HPCAL1: variants seen among roughly 807,000 people sequenced by gnomAD.
The protein encoded by HPCAL1 is hippocalcin-like protein 1.
A neutral mutation model predicts 17.1 loss-of-function variants in HPCAL1; 8 were observed. That is an observed-to-expected ratio of 0.47 (90% CI 0.27 to 0.84). HPCAL1 has a LOEUF of 0.84. HPCAL1 is among the 40% of genes least tolerant of loss of function. HPCAL1 has a pLI of 0.13. For synonymous variants in HPCAL1, 112 were observed against 111.4 expected (o/e 1.01, Z -0.03); for missense variants, 165 against 271.1 (o/e 0.61, Z 2.75).
chr2:10,314,146 A>G (rs1417751845), intron 1 of HPCAL1, among the ~76,000 whole-genome samples: 4 of 152,126 alleles, frequency 2.6e-5, no homozygotes, highest in Admixed American at 2.6e-4. Context: ...GGAAAAAAAA[A>G]AAAAAAGAAT....
intron 1 of HPCAL1, among the ~76,000 whole-genome samples, chr2:10,345,794 T>C (rs1332639714): frequency 6.6e-6 from 1 of 152,192 alleles, no homozygotes; most frequent in African/African-American, 2.4e-5. Flanking sequence ...TAACTTTTTC[T>C]GAATATAAAA....
In HPCAL1 at chr2:10,319,728, C is replaced by A. The variant is rs62130060; in HGVS notation, c.-111+16551C>A. On this transcript the variant is annotated intron_variant, in intron 1 of 4. Coordinates refer to ENST00000307845, the MANE Select transcript of HPCAL1 (RefSeq NM_002149.4). Reference sequence around the variant, plus strand: ...GGTTCCACCTGGCCCCTTGGTGGAGCTCCCATTCATTCATTCACTCATTCA... The same window carrying A: ...GGTTCCACCTGGCCCCTTGGTGGAGATCCCATTCATTCATTCACTCATTCA... Among the ~76,000 whole-genome samples, 253 of 151,850 alleles carry A rather than the reference C, an allele frequency of 1.7e-3. 2 individuals are homozygous for A. Among genetic ancestry groups the A allele is most frequent in the Non-Finnish European group, 2.1e-3 (142 of 67,956 alleles).
At chr2:10,401,914 GT>G (rs1669634760) in intron 2 of HPCAL1, among the ~76,000 whole-genome samples, 1 of 152,074 alleles carries the variant, frequency 6.6e-6, no homozygotes, top group South Asian at 2.1e-4. Flanking sequence ...TGTTGTTTTT[GT>G]TTTTTGAGAC....
At chr2:10,420,503 G>C (rs1670997171) in intron 3 of HPCAL1, among the ~76,000 whole-genome samples, 1 of 152,002 alleles carries the variant, frequency 6.6e-6, no homozygotes, top group Non-Finnish European at 1.5e-5. Flanking sequence ...GCCTCCCTGT[G>C]TTCTTTATGT....
intron 1 of HPCAL1, among the ~76,000 whole-genome samples, chr2:10,380,092 C>T (rs779746601): frequency 1.6e-4 from 24 of 152,326 alleles, no homozygotes; most frequent in African/African-American, 4.1e-4. Context: ...CGAGTACCTG[C>T]GTCTCAGAGC....
Position 10,419,788 on chromosome 2 carries a change from G to C in HPCAL1, c.31G>C (p.Glu11Gln). ...CAAACAGAACAGCAAGCTGCGGCCC[G>C]AGGTGCTGCAGGACCTGCGGGAGAA... Reference protein sequence around the residue: MGKQNSKLRPEVLQDLRENTE... With the variant: MGKQNSKLRPQVLQDLRENTE... The change falls in exon 3 of 5, where the codon GAG becomes CAG. Residue 11 changes from glutamate (E) to glutamine (Q), a missense_variant. Transcript: ENST00000307845. The surrounding 1 kb of genome is among the most constrained non-coding windows in gnomAD (Gnocchi z 5.0). The C allele has an allele frequency of 1.9e-6, 3 of 1,612,936 alleles. No homozygotes were observed. The highest frequency in any genetic ancestry group is 2.5e-6 in the Non-Finnish European group (3 of 1,179,518).
chr2:10,426,470 C>G, intron 4 of HPCAL1: 1 of 475,828 alleles, frequency 2.1e-6, no homozygotes, highest in Non-Finnish European at 3.8e-6. Flanking sequence ...TGGCCCTCAT[C>G]AGCCACGTCC....
chr2:10,376,558 C>T (rs377766799), intron 1 of HPCAL1, among the ~76,000 whole-genome samples: 8 of 152,148 alleles, frequency 5.3e-5, no homozygotes, highest in African/African-American at 1.9e-4. Flanking sequence ...GCCTCAGCCT[C>T]CCAAGTAGCT....
chr2:10,325,079 C>A (rs544028468), intron 1 of HPCAL1, among the ~76,000 whole-genome samples: 8 of 151,964 alleles, frequency 5.3e-5, no homozygotes, highest in African/African-American at 1.9e-4. Context: ...GTGATCCACC[C>A]ACCTTGGCCT....
chr2:10,426,698 A>G, intron 4 of HPCAL1, 26 bp from the exon 5 acceptor site: 1 of 1,578,356 alleles, frequency 6.3e-7, no homozygotes, highest in Non-Finnish European at 8.7e-7. Context: ...GCACTGGCTA[A>G]TCCCATTGTC....
Position 10,423,078 on chromosome 2 carries a change from C to T in HPCAL1, c.474C>T (p.Thr158=), listed in dbSNP as rs1671167672. Residue 158 remains threonine, a synonymous_variant, in exon 4 of 5, where the codon ACC becomes ACT. Coordinates refer to ENST00000307845, the MANE Select transcript of HPCAL1 (RefSeq NM_002149.4). The part of the protein sequence containing the change: ...RTDKIFRQMD[T]NNDGKLSLEE... ...ACAAGATCTTCAGGCAGATGGACAC[C>T]AACAATGACGGTAGTGCGGGGTGGG... 2 of 1,606,678 alleles carry T rather than the reference C, an allele frequency of 1.2e-6. No homozygotes were observed. Among genetic ancestry groups the T allele is most frequent in the African/African-American group, 2.7e-5 (2 of 74,824 alleles).
intron 1 of HPCAL1, among the ~76,000 whole-genome samples, chr2:10,338,552 C>T (rs1359031409): frequency 2.0e-5 from 3 of 152,040 alleles, no homozygotes; most frequent in African/African-American, 7.2e-5. Flanking sequence ...TGTCACGGAG[C>T]GGGACCTGTG....
At chr2:10,403,280 C>T (rs886750002) in intron 2 of HPCAL1, among the ~76,000 whole-genome samples, 3 of 151,982 alleles carry the variant, frequency 2.0e-5, no homozygotes, top group African/African-American at 7.2e-5. Context: ...AAATGTTTTT[C>T]TCAAGGATGT....
At chr2:10,327,887 T>G (rs781203259) in intron 1 of HPCAL1, among the ~76,000 whole-genome samples, 2 of 152,230 alleles carry the variant, frequency 1.3e-5, no homozygotes, top group African/African-American at 2.4e-5. Context: ...CATAAGTGGG[T>G]GATTTATGGT....
At chr2:10,357,961 C>G (rs1666275375) in intron 1 of HPCAL1, among the ~76,000 whole-genome samples, 1 of 152,262 alleles carries the variant, frequency 6.6e-6, no homozygotes, top group African/African-American at 2.4e-5. Flanking sequence ...CAAGCTGTGA[C>G]CTTGAGCCGG....
rs899263010 is a variant in HPCAL1, at chr2:10,343,787, G to A, written c.-111+40610G>A. Among the ~76,000 whole-genome samples, 1 of 152,228 alleles carries A rather than the reference G, an allele frequency of 6.6e-6. No homozygotes were observed. Among genetic ancestry groups the A allele is most frequent in the African/African-American group, 2.4e-5 (1 of 41,446 alleles). On this transcript the variant is annotated intron_variant, in intron 1 of 4. Transcript: ENST00000307845. This position sits in a 1 kb window ranked among gnomAD's most constrained non-coding sequence, Gnocchi z 4.8. ...AGTCTTTCTGCTGTTCTCTTGTGCT[G>A]GGCGTGGCTCAGGGCTGAGGGGAGA... is the stretch of plus-strand genomic sequence containing the variant.
intron 1 of HPCAL1, among the ~76,000 whole-genome samples, chr2:10,392,340 C>T (rs1668755979): frequency 6.6e-6 from 1 of 152,218 alleles, no homozygotes; most frequent in Admixed American, 6.5e-5. Flanking sequence ...CACACCTGGC[C>T]AAGAATTGGT....
intron 1 of HPCAL1, among the ~76,000 whole-genome samples, chr2:10,366,028 A>G (rs1195323163): frequency 6.6e-6 from 1 of 152,136 alleles, no homozygotes; most frequent in African/African-American, 2.4e-5. Flanking sequence ...TTTGCCCAGC[A>G]GCACGCCTCC....
At position 10,330,923 on chromosome 2, in the gene HPCAL1, G is replaced by A. The variant is rs183117803; in HGVS notation, c.-111+27746G>A. Among the ~76,000 whole-genome samples, 289 of 152,274 alleles carry A rather than the reference G, an allele frequency of 1.9e-3. 2 individuals carry two copies. The highest frequency in any genetic ancestry group is 0.014 in the East Asian group (70 of 5,170). On this transcript the variant is annotated intron_variant, in intron 1 of 4. Transcript: ENST00000307845. The surrounding 1 kb of genome is among the most constrained non-coding windows in gnomAD (Gnocchi z 4.2). ...AGTCAGAGCTTCTGGGTGCAGCCTGGGGGTGCAGCAAGCCCACCCCTGCAT... is the reference window on the plus strand; with the variant it reads ...AGTCAGAGCTTCTGGGTGCAGCCTGAGGGTGCAGCAAGCCCACCCCTGCAT...
Sources: allele counts gnomAD v4.1 joint callset (sites outside exome capture counted in the v4.1 genomes callset), GRCh38; gene constraint gnomAD v4.1.1; non-coding constraint Gnocchi (gnomAD v3.1); transcripts MANE v1.5; gene names NCBI Gene and HGNC (gene_info 2026-07-23, HGNC 2026-07-21).